Variants in KDM5A observed in about 807,000 individuals in gnomAD.
The protein encoded by KDM5A is lysine demethylase 5A, also known as lysine-specific demethylase 5A.
A neutral mutation model predicts 193.5 loss-of-function variants in KDM5A; 42 were observed. The ratio of observed to expected loss-of-function variants is 0.22; its 90% CI spans 0.17 to 0.28. The LOEUF (loss-of-function observed/expected upper bound fraction) is 0.28. Ranked by LOEUF, KDM5A falls within the 10% of genes least tolerant of loss-of-function variation. The pLI, the probability that KDM5A is intolerant of heterozygous loss-of-function variation, is 1.00. For missense variants in KDM5A, 1,692 were observed against 2,055.1 expected (o/e 0.82, Z 3.42); for synonymous variants, 796 against 718.1 (o/e 1.11, Z -1.73).
intron 18 of KDM5A, among the ~76,000 whole-genome samples, chr12:320,631 A>G (rs902860559): frequency 6.6e-5 from 10 of 152,228 alleles, no homozygotes; most frequent in Non-Finnish European, 1.3e-4. Flanking sequence ...AAGATTTTAC[A>G]TATTCATTAA....
chr12:318,177 C>G lies in KDM5A; in HGVS notation c.2826G>C (p.Met942Ile). ...CTGTAAGGAGCTCCTGTAGTTCAGC[C>G]ATTGCTTTCTCCACAGCATGGTGGG... The part of the protein sequence containing the change: ...LAPHHAVEKA[M>I]AELQELLTVS... Residue 942 changes from methionine to isoleucine, a missense_variant, in exon 19 of 28, where the codon ATG becomes ATC. Physicochemically the swap from Met to Ile is conservative, Grantham distance 10 (BLOSUM62 1). Around this residue, in one of 11 missense-constraint regions of KDM5A, gnomAD observed 965 missense variants for 1,061.0 expected, o/e 0.91. Transcript: ENST00000399788. 15 of 1,614,210 alleles carry G rather than the reference C, an allele frequency of 9.3e-6. No individual in the cohort carries two copies. Among genetic ancestry groups the G allele is most frequent in the Non-Finnish European group, 1.3e-5 (15 of 1,180,040 alleles).
intron 3 of KDM5A, among the ~76,000 whole-genome samples, chr12:376,348 C>T (rs549563209): frequency 9.8e-5 from 15 of 152,296 alleles, no homozygotes; most frequent in African/African-American, 3.4e-4. Context: ...TAGCAATGAG[C>T]GAGGCTCCGT....
chr12:373,557 G>C (rs551856061), intron 3 of KDM5A, among the ~76,000 whole-genome samples: 1 of 152,130 alleles, frequency 6.6e-6, no homozygotes, highest in South Asian at 2.1e-4. Context: ...TTTTTTGAAG[G>C]GTTTTTTGTG....
chr12:308,354 G>GAATACTACC lies in KDM5A; in HGVS notation c.3379-358_3379-350dup, dbSNP rs1323790450. Reference sequence around the variant, plus strand: ...AGAACGTCCGTTTTCTGAAAAATGAGAATACTACCAACCGTATTTTGCTGT... The same window carrying GAATACTACC: ...AGAACGTCCGTTTTCTGAAAAATGAGAATACTACCAATACTACCAACCGTATTTTGCTGT... On this transcript the variant is annotated intron_variant, in intron 22 of 27. Coordinates refer to ENST00000399788, the MANE Select transcript of KDM5A (RefSeq NM_001042603.3). 2.6e-5 allele frequency among the ~76,000 whole-genome samples: 4 copies of GAATACTACC among 152,272 alleles called. No individual in the cohort carries two copies. The South Asian group carries it at 6.2e-4, about 24-fold the overall frequency.
At chr12:327,780 A>C (rs1048705002) in intron 14 of KDM5A, among the ~76,000 whole-genome samples, 1 of 152,226 alleles carries the variant, frequency 6.6e-6, no homozygotes, top group East Asian at 1.9e-4. Context: ...TGGGAGGCCA[A>C]GGCAGGAGGA....
chr12:341,861 C>A (rs1412963976), intron 10 of KDM5A, among the ~76,000 whole-genome samples: 3 of 149,910 alleles, frequency 2.0e-5, no homozygotes, highest in African/African-American at 7.4e-5. Flanking sequence ...GATGGTGCCA[C>A]TGTACTCCAG....
chr12:350,684 T>C lies in KDM5A; in HGVS notation c.1245A>G (p.Ser415=), dbSNP rs1243647098. The change falls in exon 10 of 28, where the codon TCA becomes TCG. Residue 415 remains serine (S), a synonymous_variant. Transcript: ENST00000399788. The stretch of plus-strand genomic sequence containing the variant: ...CCGGAAATCCACTTCCAAAGTCTTT[T>C]GAGGAGATATCTGCTCCATATTCCA... ...VIVEYGADIS[S]KDFGSGFPVK... 4.3e-6 allele frequency: 7 copies of C among 1,614,006 alleles called. No homozygotes were observed. The South Asian group carries it at 5.5e-5, about 13-fold the overall frequency.
intron 10 of KDM5A, among the ~76,000 whole-genome samples, chr12:338,783 CG>C (rs1565538596): frequency 1.3e-5 from 2 of 151,980 alleles, no homozygotes; most frequent in Admixed American, 1.3e-4. Flanking sequence ...AATGACAATA[CG>C]GAACAAGGAG....
Position 281,529 on chromosome 12 carries a change from T to C in KDM5A, c.*3927A>G, listed in dbSNP as rs547280635. 3 of 233,006 alleles carry C rather than the reference T, an allele frequency of 1.3e-5. No individual in the cohort carries two copies. In the East Asian group the frequency reaches 1.8e-4, roughly 14 times the overall value. The allele number at this position is 233,006 out of a possible 1,614,324, so 14.4% of individuals were successfully genotyped here. On this transcript the variant is annotated 3_prime_UTR_variant, in exon 28 of 28. Transcript: ENST00000399788. ...ACATTCATATCCAAAGAAGTAATGG[T>C]ATGACTTAAAAAAAAAGGAGGAATT...
At chr12:300,524 A>T (rs1943428964) in intron 24 of KDM5A, among the ~76,000 whole-genome samples, 1 of 152,226 alleles carries the variant, frequency 6.6e-6, no homozygotes, top group African/African-American at 2.4e-5. Flanking sequence ...TCTGGGACAC[A>T]TTTAAAGCAG....
At chr12:356,213 T>C (rs1364698832) in intron 6 of KDM5A, among the ~76,000 whole-genome samples, 1 of 152,062 alleles carries the variant, frequency 6.6e-6, no homozygotes, top group Non-Finnish European at 1.5e-5. Context: ...AGAAGGAAAA[T>C]CCTCTCTTCC....
Position 307,651 on chromosome 12 carries a change from C to T in KDM5A, c.3733G>A (p.Ala1245Thr), listed in dbSNP as rs758447774. 6 of 1,614,092 alleles carry T rather than the reference C, an allele frequency of 3.7e-6. No homozygotes were observed. In the East Asian group the frequency reaches 8.9e-5, roughly 24 times the overall value. The change falls in exon 23 of 28, where the codon GCC becomes ACC. Residue 1245 changes from alanine (A) to threonine (T), a missense_variant. Around this residue, in one of 11 missense-constraint regions of KDM5A, gnomAD observed 965 missense variants for 1,061.0 expected, o/e 0.91. Coordinates refer to ENST00000399788, the MANE Select transcript of KDM5A (RefSeq NM_001042603.3). The surrounding 1 kb of genome is among the most constrained non-coding windows in gnomAD (Gnocchi z 4.3). ...GCACGTTCTGTCAAACACTGCAGGG[C>T]CTCTCCTTCAGGCAACCGTACGGGC... ...KLPVRLPEGE[A>T]LQCLTERAMS...
intron 18 of KDM5A, 85 bp downstream of exon 18, chr12:320,909 TA>T: frequency 1.1e-6 from 1 of 936,434 alleles, no homozygotes; most frequent in South Asian, 1.4e-5. Context: ...AGCAAAAAAC[TA>T]GTTTAGATAT....
chr12:295,079 G>C (rs768269146), intron 26 of KDM5A, among the ~76,000 whole-genome samples: 1 of 152,086 alleles, frequency 6.6e-6, no homozygotes, highest in Non-Finnish European at 1.5e-5. Flanking sequence ...CCAATAATGG[G>C]AGTCTGGGCT....
At chr12:364,972 T>C (rs545222931) in intron 4 of KDM5A, among the ~76,000 whole-genome samples, 7 of 152,212 alleles carry the variant, frequency 4.6e-5, no homozygotes, top group African/African-American at 1.7e-4. Context: ...AACTGGTAAA[T>C]GGATAAACAA....
chr12:335,755 A>AG (rs1011999614), intron 10 of KDM5A, among the ~76,000 whole-genome samples: 63 of 152,254 alleles, frequency 4.1e-4, no homozygotes, highest in African/African-American at 1.4e-3. Flanking sequence ...AGTCACAGAG[A>AG]GGCGGGCTGG....
At chr12:382,170 G>A (rs968943339) in intron 3 of KDM5A, among the ~76,000 whole-genome samples, 2 of 152,188 alleles carry the variant, frequency 1.3e-5, no homozygotes, top group Middle Eastern at 3.4e-3. Context: ...GGTGGCTCAC[G>A]CCTGTAATCC....
intron 27 of KDM5A, among the ~76,000 whole-genome samples, chr12:287,045 T>C (rs562345652): frequency 2.6e-5 from 4 of 152,240 alleles, no homozygotes; most frequent in East Asian, 1.9e-4. Context: ...AAATAATGTA[T>C]GGCAAAACAC....
intron 3 of KDM5A, among the ~76,000 whole-genome samples, chr12:377,825 C>T (rs1424318410): frequency 1.3e-5 from 2 of 152,012 alleles, no homozygotes; most frequent in Non-Finnish European, 2.9e-5. Flanking sequence ...TCCAGACTGA[C>T]AGGTGACCTT....
Sources: gnomAD v4.1 joint callset for allele counts (sites outside exome capture counted in the v4.1 genomes callset) on GRCh38, gnomAD v4.1.1 for gene constraint, gnomAD v4.1.1 regional missense constraint, Gnocchi (gnomAD v3.1) non-coding constraint, MANE v1.5 for transcripts, NCBI Gene and HGNC (gene_info 2026-07-23, HGNC 2026-07-21) for gene names.